Variants in AKAP6 observed in about 807,000 individuals in gnomAD.
The protein encoded by AKAP6 is A-kinase anchoring protein 6.
A neutral mutation model predicts 188.5 loss-of-function variants in AKAP6; 58 were observed. The observed-to-expected ratio is 0.31, with a 90% CI of 0.25 to 0.38. The LOEUF (loss-of-function observed/expected upper bound fraction) is 0.38. AKAP6 is among the 10% of genes least tolerant of loss of function. The pLI, the probability that AKAP6 is intolerant of heterozygous loss-of-function variation, is 1.00. For synonymous variants in AKAP6, 989 were observed against 998.6 expected, an observed-to-expected ratio of 0.99 and a Z score of 0.18; for missense variants, 2,710 against 2,740.0, an observed-to-expected ratio of 0.99 and a Z score of 0.24.
At position 32,542,956 on chromosome 14, in the gene AKAP6, T is replaced by G. The variant is rs538735846; in HGVS notation, c.577-2274T>G. ...GACTGCACATATTTATAGGGTACAG[T>G]GTAATATTTTGATACATGCACACAA... On this transcript the variant is annotated intron_variant, in intron 3 of 13. Transcript: ENST00000280979. 1.0e-3 allele frequency among the ~76,000 whole-genome samples: 152 copies of G among 152,328 alleles called. 1 individual carries two copies. The highest frequency in any genetic ancestry group is 2.7e-3 in the African/African-American group (114 of 41,572).
At chr14:32,699,896 A>G (rs1279414381) in intron 9 of AKAP6, among the ~76,000 whole-genome samples, 2 of 152,226 alleles carry the variant, frequency 1.3e-5, no homozygotes, top group Non-Finnish European at 2.9e-5. Context: ...TCCTATTTGG[A>G]CTAGAGTTAC....
chr14:32,601,938 G>C (rs1225900519), intron 7 of AKAP6, among the ~76,000 whole-genome samples: 2 of 152,202 alleles, frequency 1.3e-5, no homozygotes, highest in Non-Finnish European at 2.9e-5. Context: ...GTTGGAAACA[G>C]AGGATAGAAT....
chr14:32,496,973 TTTG>T (rs1242466370), intron 2 of AKAP6, among the ~76,000 whole-genome samples: 5 of 152,260 alleles, frequency 3.3e-5, no homozygotes, highest in Non-Finnish European at 5.9e-5. Context: ...TCTTAACTTC[TTTG>T]TTTGGTCTCT....
intron 1 of AKAP6, among the ~76,000 whole-genome samples, chr14:32,344,969 A>G (rs893964166): frequency 2.6e-5 from 4 of 151,626 alleles, no homozygotes; most frequent in Non-Finnish European, 4.4e-5. Context: ...GAATGATGGT[A>G]TAGAGAGTAC....
chr14:32,655,178 A>G (rs1238700101), intron 7 of AKAP6, among the ~76,000 whole-genome samples: 1 of 152,224 alleles, frequency 6.6e-6, no homozygotes, highest in Non-Finnish European at 1.5e-5. Flanking sequence ...GAATGACTGT[A>G]TCACCACAGA....
At chr14:32,599,594 C>A in intron 6 of AKAP6, 88 bp downstream of exon 6, 1 of 941,866 alleles carries the variant, frequency 1.1e-6, no homozygotes, top group Non-Finnish European at 1.6e-6. Context: ...CATATATTCA[C>A]TTCCTTATGT....
At chr14:32,366,909 A>G (rs1216096214) in intron 1 of AKAP6, among the ~76,000 whole-genome samples, 3 of 152,186 alleles carry the variant, frequency 2.0e-5, no homozygotes, top group Admixed American at 2.0e-4. Context: ...GCTGGGGGGA[A>G]ATAAGTTCCA....
chr14:32,593,605 C>G (rs967635339), intron 5 of AKAP6, among the ~76,000 whole-genome samples: 6 of 152,176 alleles, frequency 3.9e-5, no homozygotes, highest in Non-Finnish European at 8.8e-5. Context: ...TGAAAATGCT[C>G]TGATTTAAAA....
chr14:32,743,346 A>G (rs1243646225), intron 11 of AKAP6, among the ~76,000 whole-genome samples: 5 of 152,012 alleles, frequency 3.3e-5, no homozygotes, highest in African/African-American at 1.2e-4. Flanking sequence ...TTTATTGGAG[A>G]ATTTAGTCCG....
Position 32,823,907 on chromosome 14 carries a change from T to C in AKAP6, c.6094T>C (p.Ser2032Pro). ...LEQNGTEENA[S>P]ISNISCCNCE... ...ACAAAACGGAACAGAGGAAAATGCTTCTATCAGCAACATTTCCTGTTGCAA... is the reference window on the plus strand; with the variant it reads ...ACAAAACGGAACAGAGGAAAATGCTCCTATCAGCAACATTTCCTGTTGCAA... The change falls in exon 13 of 14, where the codon TCT becomes CCT. Residue 2032 changes from serine to proline, a missense_variant. Transcript: ENST00000280979. 6.2e-7 allele frequency: 1 copy of C among 1,613,916 alleles called. No individual in the cohort carries two copies. The highest frequency in any genetic ancestry group is 1.3e-5 in the African/African-American group (1 of 75,026).
chr14:32,649,379 G>A (rs78388259), intron 7 of AKAP6, among the ~76,000 whole-genome samples: 1,685 of 152,256 alleles, frequency 0.011, 30 homozygotes, highest in African/African-American at 0.039. Context: ...CTTTTAGACT[G>A]TTTAACCTAT....
At chr14:32,592,636 A>T (rs1240357441) in intron 5 of AKAP6, among the ~76,000 whole-genome samples, 1 of 152,140 alleles carries the variant, frequency 6.6e-6, no homozygotes, top group Non-Finnish European at 1.5e-5. Flanking sequence ...CCTGGGTCTT[A>T]TTCTCTACCC....
intron 1 of AKAP6, among the ~76,000 whole-genome samples, chr14:32,380,444 G>A (rs1221486472): frequency 6.6e-6 from 1 of 152,166 alleles, no homozygotes; most frequent in Non-Finnish European, 1.5e-5. Context: ...GCCTACCTCA[G>A]ATCAGGTACA....
chr14:32,643,600 C>T (rs976017466), intron 7 of AKAP6, among the ~76,000 whole-genome samples: 1 of 152,206 alleles, frequency 6.6e-6, no homozygotes, highest in African/African-American at 2.4e-5. Context: ...GCCACCACAC[C>T]TGGCCCATAC....
intron 1 of AKAP6, among the ~76,000 whole-genome samples, chr14:32,410,849 A>T (rs1889458675): frequency 6.6e-6 from 1 of 152,200 alleles, no homozygotes; most frequent in South Asian, 2.1e-4. Context: ...TTTTTTAAAA[A>T]TTTAGATTTC....
chr14:32,434,164 A>G (rs1890308686), intron 2 of AKAP6, among the ~76,000 whole-genome samples: 1 of 152,184 alleles, frequency 6.6e-6, no homozygotes, highest in South Asian at 2.1e-4. Context: ...TAAAATATCA[A>G]ATGCAGCTGT....
At position 32,726,061 on chromosome 14, in the gene AKAP6, T is replaced by C. The variant is rs2030855616; in HGVS notation, c.3001-6393T>C. ...CCAACTGAAGTCATGGTGTAATTAT[T>C]TCTGTGCAGTCATTTTGGCAATTTC... is the stretch of plus-strand genomic sequence containing the variant. On this transcript the variant is annotated intron_variant, in intron 9 of 13. Coordinates refer to ENST00000280979, the MANE Select transcript of AKAP6 (RefSeq NM_004274.5). 1.9e-5 allele frequency: 7 copies of C among 360,810 alleles called. 1 individual carries two copies. In the South Asian group the frequency reaches 7.9e-4, roughly 41 times the overall value. The allele number at this position is 360,810 out of a possible 1,614,324, so 22.4% of individuals were successfully genotyped here.
intron 7 of AKAP6, among the ~76,000 whole-genome samples, chr14:32,672,846 G>C (rs1289034654): frequency 6.6e-6 from 1 of 152,122 alleles, no homozygotes; most frequent in Non-Finnish European, 1.5e-5. Flanking sequence ...CAGCCAGTAG[G>C]AGCTATACCA....
intron 2 of AKAP6, among the ~76,000 whole-genome samples, chr14:32,505,577 G>A (rs2138999127): frequency 6.6e-6 from 1 of 152,122 alleles, no homozygotes; most frequent in East Asian, 1.9e-4. Context: ...TGGAGCCTAA[G>A]CCAAAAGGGA....
Sources: allele counts gnomAD v4.1 joint callset (sites outside exome capture counted in the v4.1 genomes callset), GRCh38; gene constraint gnomAD v4.1.1; transcripts MANE v1.5; gene names NCBI Gene and HGNC (gene_info 2026-07-23, HGNC 2026-07-21).